The following LINS1 variants were observed in gnomAD, a reference collection of about 807,000 sequenced individuals.
LINS1 encodes protein Lines homolog 1.
Under a neutral mutation model 41.6 loss-of-function variants are expected in LINS1, and 27 were observed. That is an observed-to-expected ratio of 0.65 (90% CI 0.48 to 0.89). LINS1 has a LOEUF of 0.89. Ranked by LOEUF, LINS1 falls within the 40% of genes least tolerant of loss-of-function variation. LINS1 has a pLI of 0.00. For synonymous variants in LINS1, 336 were observed against 312.9 expected (o/e 1.07, Z -0.78); for missense variants, 955 against 884.1 (o/e 1.08, Z -1.02).
Position 100,573,664 on chromosome 15 carries a change from TG to T in LINS1, c.1208del (p.Ala403GlufsTer4), listed in dbSNP as rs2037976728. 1 of 1,595,158 alleles carries T rather than the reference TG, an allele frequency of 6.3e-7. No homozygotes were observed. The highest frequency in any genetic ancestry group is 1.3e-5 in the African/African-American group (1 of 74,312). Reference protein sequence around the residue: ...LEIKFQNYSSASEVKVDLQRF... With the variant: ...LEIKFQNYSSXSEVKVDLQRF... The stretch of plus-strand genomic sequence containing the variant: ...TTGGAGAATTACCTTTCACTTCACT[TG>T]CTGAAGAATAATTTTGAAACTTGAT... On this transcript the variant is annotated frameshift_variant, in exon 5 of 7. Transcript: ENST00000314742. LOFTEE classifies it high-confidence loss of function.
chr15:100,595,199 G>A (rs564920370), intron 1 of LINS1, among the ~76,000 whole-genome samples: 8 of 151,954 alleles, frequency 5.3e-5, no homozygotes, highest in Admixed American at 2.0e-4. Flanking sequence ...CTGATAAACC[G>A]GAACTCAGCA....
chr15:100,582,252 C>T (rs1009335601), intron 1 of LINS1, among the ~76,000 whole-genome samples: 1 of 147,354 alleles, frequency 6.8e-6, no homozygotes, highest in African/African-American at 2.5e-5. Flanking sequence ...TCTGTCTACA[C>T]TATGGCCCAC....
In LINS1 at chr15:100,568,961, T is replaced by C. The variant is rs187981051; in HGVS notation, c.*277A>G. ...AACATGGTGAAACCCCCGTCTCTAC[T>C]AAAAATACAAAAATTAGCTGGGCGT... is the stretch of plus-strand genomic sequence containing the variant. On this transcript the variant is annotated 3_prime_UTR_variant, in exon 7 of 7. Transcript: ENST00000314742. The C allele has an allele frequency of 8.0e-5, 24 of 300,262 alleles. No individual in the cohort carries two copies. The highest frequency in any genetic ancestry group is 5.3e-4 in the African/African-American group (24 of 45,328). The allele number at this position is 300,262 out of a possible 1,614,324, so 18.6% of individuals were successfully genotyped here.
intron 5 of LINS1, chr15:100,573,411 T>A: frequency 8.6e-7 from 1 of 1,168,090 alleles, no homozygotes; most frequent in Non-Finnish European, 1.1e-6. Flanking sequence ...ACAGCAACTT[T>A]TTTAAACCTA....
In LINS1 at chr15:100,569,952, A is replaced by G. The variant is rs1003404711; in HGVS notation, c.1560T>C (p.Phe520=). ...TTAAATATCTAACAAAATATTCAAG[A>G]AAACAGGTTTCTGATGAAATCAAAA... ...LDFLISSETC[F]LEYFVRYLKL... Residue 520 remains phenylalanine (F), a synonymous_variant, in exon 7 of 7, where the codon TTT becomes TTC. Transcript: ENST00000314742. The G allele has an allele frequency of 1.9e-6, 3 of 1,588,502 alleles. No homozygotes were observed. The highest frequency in any genetic ancestry group is 1.7e-6 in the Non-Finnish European group (2 of 1,166,076).
At chr15:100,578,748 C>A (rs1369400487) in intron 3 of LINS1, among the ~76,000 whole-genome samples, 1 of 152,126 alleles carries the variant, frequency 6.6e-6, no homozygotes. Flanking sequence ...TGGCACTACT[C>A]ACAATAGCAA....
chr15:100,586,946 G>A (rs929977572), intron 1 of LINS1, among the ~76,000 whole-genome samples: 2 of 151,954 alleles, frequency 1.3e-5, no homozygotes, highest in African/African-American at 2.4e-5. Context: ...AGATCACGAG[G>A]TCAGGAGATC....
In LINS1 at chr15:100,567,610, T is replaced by C. The variant is rs2037603750; in HGVS notation, c.*1628A>G. The C allele has an allele frequency of 6.6e-6, 1 of 152,214 alleles. No individual in the cohort carries two copies. Among genetic ancestry groups the C allele is most frequent in the Admixed American group, 6.5e-5 (1 of 15,280 alleles). The allele number at this position is 152,214 out of a possible 1,614,324, so 9.4% of individuals were successfully genotyped here. The stretch of plus-strand genomic sequence containing the variant: ...AACGCATCTACCATTCCACTGACTA[T>C]ACAAATTCTGACTTACTTTACCAGG... On this transcript the variant is annotated 3_prime_UTR_variant, in exon 7 of 7. Coordinates refer to ENST00000314742, the MANE Select transcript of LINS1 (RefSeq NM_001040616.3).
At chr15:100,572,292 C>A in intron 5 of LINS1, 1 of 1,324,038 alleles carries the variant, frequency 7.6e-7, no homozygotes, top group Non-Finnish European at 9.7e-7. Context: ...TTAAAATGTA[C>A]AGCTACATCA....
At position 100,573,740 on chromosome 15, in the gene LINS1, T is replaced by C. The variant is rs143212181; in HGVS notation, c.1133A>G (p.Asp378Gly). ...QPECELITSP[D>G]HVILRAASLV... ...GCTTGCTGCTCTAAGGATCACATGA[T>C]CTGGACTAGTGATAAGTTCACATTC... is the stretch of plus-strand genomic sequence containing the variant. The change falls in exon 5 of 7, where the codon GAT becomes GGT. Residue 378 changes from aspartate to glycine, a missense_variant. Transcript: ENST00000314742. 7 of 1,613,860 alleles carry C rather than the reference T, an allele frequency of 4.3e-6. No individual in the cohort carries two copies. In the African/African-American group the frequency reaches 8.0e-5, roughly 18 times the overall value.
chr15:100,581,034 T>G, intron 1 of LINS1, 89 bp from the exon 2 acceptor site: 1 of 547,512 alleles, frequency 1.8e-6, no homozygotes, highest in Non-Finnish European at 3.2e-6. Context: ...ACTAAGTCTC[T>G]CAAGTTAAAG....
intron 1 of LINS1, among the ~76,000 whole-genome samples, chr15:100,592,289 G>A (rs145529332): frequency 1.0e-3 from 159 of 152,170 alleles, no homozygotes; most frequent in Non-Finnish European, 2.0e-3. Flanking sequence ...CCCTTGCTTC[G>A]TTTGTGCTTT....
intron 3 of LINS1, among the ~76,000 whole-genome samples, chr15:100,578,805 G>A (rs1210332940): frequency 6.6e-6 from 1 of 152,112 alleles, no homozygotes; most frequent in Admixed American, 6.5e-5. Context: ...ACTGGATTAA[G>A]AAAATGTGGC....
At chr15:100,595,144 G>A (rs563338740) in intron 1 of LINS1, among the ~76,000 whole-genome samples, 1 of 151,916 alleles carries the variant, frequency 6.6e-6, no homozygotes, top group Non-Finnish European at 1.5e-5. Context: ...CTAGTCAAAG[G>A]GTTCTCAGAC....
At chr15:100,572,251 GA>G (rs1342597435) in intron 5 of LINS1, 186 bp from the exon 6 acceptor site, 3 of 1,410,262 alleles carry the variant, frequency 2.1e-6, no homozygotes, top group Non-Finnish European at 1.8e-6. Flanking sequence ...GAGGCTCAGG[GA>G]AAAAAAGTGA....
Position 100,569,584 on chromosome 15 carries a change from C to T in LINS1, c.1928G>A (p.Cys643Tyr), listed in dbSNP as rs2037692535. The change falls in exon 7 of 7, where the codon TGT becomes TAT. Residue 643 changes from cysteine (C) to tyrosine (Y), a missense_variant. By Grantham distance (194) the Cys-to-Tyr change is radical. Transcript: ENST00000314742. ...DDSDVESTEQ[C>Y]LANSKQTSLH... The stretch of plus-strand genomic sequence containing the variant: ...AGATGTCTGTTTACTGTTAGCTAAA[C>T]ACTGCTCTGTGGATTCCACGTCAGA... 9 of 1,614,096 alleles carry T rather than the reference C, an allele frequency of 5.6e-6. No homozygotes were observed. The highest frequency in any genetic ancestry group is 7.6e-6 in the Non-Finnish European group (9 of 1,179,936).
intron 5 of LINS1, chr15:100,572,938 G>C (rs1365793632): frequency 1.7e-6 from 1 of 572,914 alleles, no homozygotes; most frequent in Non-Finnish European, 2.2e-6. Flanking sequence ...ACAGAGACGA[G>C]AGGATCACTT....
At chr15:100,592,076 CT>C (rs1439156887) in intron 1 of LINS1, among the ~76,000 whole-genome samples, 1 of 152,186 alleles carries the variant, frequency 6.6e-6, no homozygotes, top group African/African-American at 2.4e-5. Context: ...TTACTTCACC[CT>C]CTTCATTTAC....
In LINS1 at chr15:100,577,253, G is replaced by C. The variant is rs528555947; in HGVS notation, c.490-2125C>G. On this transcript the variant is annotated intron_variant, in intron 3 of 6. Coordinates refer to ENST00000314742, the MANE Select transcript of LINS1 (RefSeq NM_001040616.3). ...AGTCAAATTGTCCCTGTTTGCAGAT[G>C]ACATGATTGTATATCTAGAAAACCC... 1.6e-3 allele frequency among the ~76,000 whole-genome samples: 246 copies of C among 152,298 alleles called. 1 individual carries two copies. Among genetic ancestry groups the C allele is most frequent in the Non-Finnish European group, 2.9e-3 (194 of 68,028 alleles).
Sources: allele counts gnomAD v4.1 joint callset (sites outside exome capture counted in the v4.1 genomes callset), GRCh38; gene constraint gnomAD v4.1.1; transcripts MANE v1.5; gene names NCBI Gene and HGNC (gene_info 2026-07-23, HGNC 2026-07-21).